Variants in AP1G1 observed in about 807,000 individuals in gnomAD.
AP1G1 encodes the protein adaptor related protein complex 1 subunit gamma 1, also known as AP-1 complex subunit gamma-1.
Under a neutral mutation model 108.3 loss-of-function variants are expected in AP1G1, and 7 were observed. The ratio of observed to expected loss-of-function variants is 0.06; its 90% CI spans 0.04 to 0.12. The LOEUF (loss-of-function observed/expected upper bound fraction) is 0.12, where lower values mean the gene tolerates loss of function less well. AP1G1 is among the 10% of genes least tolerant of loss of function. The probability of loss-of-function intolerance (pLI) is 1.00; values close to 1 mark genes in which losing one functional copy is unlikely to be tolerated. For missense variants in AP1G1, 756 were observed against 1,010.7 expected, an observed-to-expected ratio of 0.75 and a Z score of 3.42; for synonymous variants, 379 against 353.5, an observed-to-expected ratio of 1.07 and a Z score of -0.81.
At chr16:71,762,259 A>C (rs541633943) in intron 9 of AP1G1, among the ~76,000 whole-genome samples, 6 of 152,314 alleles carry the variant, frequency 3.9e-5, no homozygotes, top group Admixed American at 2.0e-4. Context: ...TCTGCTTTTC[A>C]AAAGGATAAA....
chr16:71,750,082 C>T, intron 14 of AP1G1, 99 bp from the exon 15 acceptor site: 1 of 1,463,114 alleles, frequency 6.8e-7, no homozygotes. Flanking sequence ...CAAAACTGTG[C>T]ATATCTAGAG....
intron 1 of AP1G1, among the ~76,000 whole-genome samples, chr16:71,806,377 ACTAT>A (rs1451456983): frequency 2.6e-5 from 4 of 152,178 alleles, no homozygotes; most frequent in Admixed American, 6.5e-5. Context: ...GTGAATGCAA[ACTAT>A]CTAAGAATGA....
At chr16:71,766,373 G>T in intron 6 of AP1G1, 1 of 436,674 alleles carries the variant, frequency 2.3e-6, no homozygotes, top group Non-Finnish European at 4.8e-6. Context: ...TATCCATTAA[G>T]AGTCCTAACA....
intron 11 of AP1G1, among the ~76,000 whole-genome samples, chr16:71,757,337 G>A (rs1176103145): frequency 6.6e-6 from 1 of 151,858 alleles, no homozygotes; most frequent in Non-Finnish European, 1.5e-5. Context: ...TGTAATCCCA[G>A]GTACTTGAGA....
At position 71,752,629 on chromosome 16, in the gene AP1G1, T is replaced by C. The variant is rs184470869; in HGVS notation, c.1284+1204A>G. Among the ~76,000 whole-genome samples the C allele has an allele frequency of 1.4e-3, 214 of 152,284 alleles. 5 individuals are homozygous for C. The highest frequency in any genetic ancestry group is 0.014 in the Admixed American group (211 of 15,290). On this transcript the variant is annotated intron_variant, in intron 13 of 22. Transcript: ENST00000299980. Reference sequence around the variant, plus strand: ...CATACACATTTTTGTGTACTTGTCCTATTATTTTTTCAGGCTAAAGTCCTA... The same window carrying C: ...CATACACATTTTTGTGTACTTGTCCCATTATTTTTTCAGGCTAAAGTCCTA...
At chr16:71,796,504 G>A (rs1341686412) in intron 1 of AP1G1, among the ~76,000 whole-genome samples, 1 of 152,110 alleles carries the variant, frequency 6.6e-6, no homozygotes, top group South Asian at 2.1e-4. Context: ...AGTAATTCAG[G>A]AGAAAAGCAT....
At chr16:71,747,878 G>C (rs2030268018) in intron 16 of AP1G1, among the ~76,000 whole-genome samples, 1 of 152,158 alleles carries the variant, frequency 6.6e-6, no homozygotes, top group Admixed American at 6.6e-5. Flanking sequence ...AGCTCCTCTG[G>C]AGGCTGAGAC....
At chr16:71,795,406 G>C (rs961466343) in intron 1 of AP1G1, among the ~76,000 whole-genome samples, 17 of 152,196 alleles carry the variant, frequency 1.1e-4, no homozygotes, top group Non-Finnish European at 1.9e-4. Context: ...AAATAAGCAA[G>C]ACTTCAATTA....
At chr16:71,759,637 G>A (rs534368089) in intron 10 of AP1G1, among the ~76,000 whole-genome samples, 124 of 152,028 alleles carry the variant, frequency 8.2e-4, no homozygotes, top group African/African-American at 2.9e-3. Flanking sequence ...GCAGGCACCT[G>A]TAGTCCCAGC....
chr16:71,766,374 A>G (rs1160512023), intron 6 of AP1G1: 2 of 441,162 alleles, frequency 4.5e-6, no homozygotes, highest in East Asian at 7.2e-5. Context: ...ATCCATTAAG[A>G]GTCCTAACAC....
intron 6 of AP1G1, chr16:71,767,989 G>C (rs897003788): frequency 2.3e-6 from 3 of 1,313,802 alleles, no homozygotes; most frequent in African/African-American, 1.5e-5. Context: ...ATTTAATCAA[G>C]ACATGAACAT....
At chr16:71,761,647 G>T in intron 9 of AP1G1, 80 bp from the exon 10 acceptor site, 2 of 1,039,940 alleles carry the variant, frequency 1.9e-6, no homozygotes, top group South Asian at 2.8e-5. Flanking sequence ...ATCACTTCAT[G>T]ACCTCTGGTG....
At chr16:71,735,303 G>C (rs1351582596) in intron 21 of AP1G1, among the ~76,000 whole-genome samples, 2 of 152,214 alleles carry the variant, frequency 1.3e-5, no homozygotes, top group East Asian at 1.9e-4. Flanking sequence ...AAAAGACCTA[G>C]ATAAGCCAAA....
At chr16:71,746,499 C>A in intron 17 of AP1G1, 89 bp downstream of exon 17, 4 of 786,002 alleles carry the variant, frequency 5.1e-6, no homozygotes, top group South Asian at 2.2e-5. Context: ...ATTAATAAAG[C>A]ACAAGGAATG....
At chr16:71,753,132 T>C (rs564311821) in intron 13 of AP1G1, among the ~76,000 whole-genome samples, 3 of 152,340 alleles carry the variant, frequency 2.0e-5, no homozygotes, top group Admixed American at 2.0e-4. Context: ...ACTTAATTAA[T>C]GGAAATGGTT....
At chr16:71,771,076 C>T (rs1222865512) in intron 5 of AP1G1, 80 bp downstream of exon 5, 7 of 862,510 alleles carry the variant, frequency 8.1e-6, no homozygotes, top group African/African-American at 1.7e-5. Context: ...TTCTGAGAGA[C>T]ACAGGACTAA....
intron 1 of AP1G1, chr16:71,806,855 ATT>A (rs1781631503): frequency 4.9e-6 from 2 of 405,746 alleles, no homozygotes; most frequent in Non-Finnish European, 8.3e-6. Context: ...AACTGAAAAT[ATT>A]GTTTTCTTCT....
At chr16:71,773,814 G>A (rs12933093) in intron 3 of AP1G1, among the ~76,000 whole-genome samples, 4 of 150,926 alleles carry the variant, frequency 2.7e-5, no homozygotes, top group African/African-American at 4.9e-5. Flanking sequence ...GTGGTGGCGG[G>A]CGCCTATAAT....
chr16:71,734,651 C>T lies in AP1G1; in HGVS notation c.2325G>A (p.Thr775=), dbSNP rs766681603. Residue 775 remains threonine, a synonymous_variant, in exon 22 of 23, where the codon ACG becomes ACA. Transcript: ENST00000299980. ...CTTTAATGACTTGTGTGATGGTCCC[C>T]GTGTTAAATGCTGGGACAATGCTGC... The part of the protein sequence containing the change: ...PSSSIVPAFN[T]GTITQVIKVL... The T allele has an allele frequency of 1.1e-5, 18 of 1,613,936 alleles. No individual in the cohort carries two copies. Among genetic ancestry groups the T allele is most frequent in the Middle Eastern group, 3.3e-4 (2 of 6,084 alleles).
Sources: gnomAD v4.1 joint callset for allele counts (sites outside exome capture counted in the v4.1 genomes callset) on GRCh38, gnomAD v4.1.1 for gene constraint, MANE v1.5 for transcripts, NCBI Gene and HGNC (gene_info 2026-07-23, HGNC 2026-07-21) for gene names.